SCD5: variants seen among roughly 807,000 people sequenced by gnomAD.
SCD5 encodes acyl-CoA-desaturase 4.
Under a neutral mutation model 30.4 loss-of-function variants are expected in SCD5, and 20 were observed. That is an observed-to-expected ratio of 0.66 (90% CI 0.46 to 0.96). SCD5 has a LOEUF of 0.96. Ranked by LOEUF, SCD5 falls within the 40% of genes least tolerant of loss-of-function variation. The pLI, the probability that SCD5 is intolerant of heterozygous loss-of-function variation, is 0.00. For synonymous variants in SCD5, 173 were observed against 176.4 expected (o/e 0.98, Z 0.16); for missense variants, 381 against 443.3 (o/e 0.86, Z 1.26).
At chr4:82,750,136 G>A (rs574859594) in intron 1 of SCD5, among the ~76,000 whole-genome samples, 3 of 152,332 alleles carry the variant, frequency 2.0e-5, no homozygotes, top group Non-Finnish European at 2.9e-5. Flanking sequence ...TCAATGGATC[G>A]CACACAGTCT....
At chr4:82,669,663 T>C (rs767643116) in intron 3 of SCD5, among the ~76,000 whole-genome samples, 4 of 152,196 alleles carry the variant, frequency 2.6e-5, no homozygotes, top group Non-Finnish European at 5.9e-5. Context: ...TGACTTTTCC[T>C]TCCAGGAGCT....
At chr4:82,739,269 G>T (rs1720820612) in intron 1 of SCD5, among the ~76,000 whole-genome samples, 1 of 152,158 alleles carries the variant, frequency 6.6e-6, no homozygotes, top group South Asian at 2.1e-4. Flanking sequence ...GTGAAAGGTG[G>T]AGGTCCTGGC....
intron 3 of SCD5, among the ~76,000 whole-genome samples, chr4:82,677,918 A>C (rs1171650946): frequency 3.9e-5 from 6 of 151,948 alleles, no homozygotes; most frequent in Admixed American, 2.0e-4. Context: ...TCCTGGGCCT[A>C]GGCAATTCTT....
chr4:82,787,297 A>C (rs1198906248), intron 1 of SCD5, among the ~76,000 whole-genome samples: 3 of 150,438 alleles, frequency 2.0e-5, no homozygotes, highest in Admixed American at 1.3e-4. Flanking sequence ...ATTCTAAGTC[A>C]CTGGTTTTCC....
In SCD5 at chr4:82,680,894, A is replaced by G. The variant is rs1308458777; in HGVS notation, c.382T>C (p.Ser128Pro). ...MAFQNDIFEW[S>P]RDHRAHHKYS... is the part of the protein sequence containing the mutation. The stretch of plus-strand genomic sequence containing the variant: ...TTGTGGTGGGCTCGGTGGTCCCTGG[A>G]CCACTCGAAGATGTCATTCTGCAGA... Residue 128 changes from serine (S) to proline (P), a missense_variant, in exon 3 of 5, where the codon TCC (serine) becomes CCC (proline). Ser to Pro is a moderately conservative substitution (Grantham distance 74, BLOSUM62 -1). Transcript: ENST00000319540. 6.2e-7 allele frequency: 1 copy of G among 1,612,490 alleles called. No homozygotes were observed. The highest frequency in any genetic ancestry group is 8.5e-7 in the Non-Finnish European group (1 of 1,179,918).
chr4:82,795,234 C>G (rs780593020), intron 1 of SCD5, among the ~76,000 whole-genome samples: 4 of 152,242 alleles, frequency 2.6e-5, no homozygotes, highest in Non-Finnish European at 4.4e-5. Flanking sequence ...ACAACCTCAT[C>G]TGGTGTGGAG....
rs116203115 is a variant in SCD5, at chr4:82,640,852, T to C, written c.570-4029A>G. Among the ~76,000 whole-genome samples the C allele has an allele frequency of 9.0e-3, 1,370 of 151,920 alleles. 19 individuals are homozygous for C. Among genetic ancestry groups the C allele is most frequent in the African/African-American group, 0.029 (1,191 of 41,348 alleles). Reference sequence around the variant, plus strand: ...ACCTACTCCTTCCTCATTTTAGAGATTTCCTTTCGTCATTTGGTGATAGGG... The same window carrying C: ...ACCTACTCCTTCCTCATTTTAGAGACTTCCTTTCGTCATTTGGTGATAGGG... On this transcript the variant is annotated intron_variant, in intron 3 of 4. Transcript: ENST00000319540.
chr4:82,747,855 G>A (rs904296672), intron 1 of SCD5, among the ~76,000 whole-genome samples: 2 of 152,198 alleles, frequency 1.3e-5, no homozygotes, highest in African/African-American at 4.8e-5. Context: ...GAATAGTAGG[G>A]TTAAAACAAG....
intron 1 of SCD5, among the ~76,000 whole-genome samples, chr4:82,759,530 G>T (rs1354133169): frequency 6.6e-6 from 1 of 151,722 alleles, no homozygotes; most frequent in Admixed American, 6.6e-5. Flanking sequence ...CTCTGCTCAG[G>T]ATCATTTCAG....
intron 3 of SCD5, among the ~76,000 whole-genome samples, chr4:82,656,871 A>G (rs1281944515): frequency 6.6e-6 from 1 of 152,094 alleles, no homozygotes; most frequent in African/African-American, 2.4e-5. Flanking sequence ...GCTTTTTTTC[A>G]TATGTTTGTT....
rs1727251842 is a variant in SCD5, at chr4:82,629,944, G to C, written c.*1383C>G. ...AGTAGACACGGAATTCTAGATAACT[G>C]TTGGTTCTCAAGATCTGATGGTCTG... On this transcript the variant is annotated 3_prime_UTR_variant, in exon 5 of 5. Transcript: ENST00000319540. The C allele has an allele frequency of 6.6e-6, 1 of 152,206 alleles. No individual in the cohort carries two copies. Among genetic ancestry groups the C allele is most frequent in the Admixed American group, 6.5e-5 (1 of 15,274 alleles). The allele number at this position is 152,206 out of a possible 1,614,324, so 9.4% of individuals were successfully genotyped here.
At position 82,635,661 on chromosome 4, in the gene SCD5, A is replaced by G. The variant is rs546431194; in HGVS notation, c.802+930T>C. Among the ~76,000 whole-genome samples the G allele has an allele frequency of 7.0e-4, 104 of 148,536 alleles. 1 individual carries two copies. Among genetic ancestry groups the G allele is most frequent in the South Asian group, 2.6e-3 (12 of 4,694 alleles). ...AAGCAACATCACGAAGGCTTGTTTC[A>G]TACAAGCACTGGTAGGAACACTCTG... On this transcript the variant is annotated intron_variant, in intron 4 of 4. Transcript: ENST00000319540.
At chr4:82,680,103 CTTATAG>C (rs1728536297) in intron 3 of SCD5, among the ~76,000 whole-genome samples, 1 of 152,226 alleles carries the variant, frequency 6.6e-6, no homozygotes, top group African/African-American at 2.4e-5. Context: ...TCTTCATGTG[CTTATAG>C]AAAGCAGTTT....
intron 2 of SCD5, among the ~76,000 whole-genome samples, chr4:82,695,873 T>C (rs1719685862): frequency 6.6e-6 from 1 of 152,230 alleles, no homozygotes; most frequent in Non-Finnish European, 1.5e-5. Context: ...CCAATGATCC[T>C]AGCCCATATT....
chr4:82,762,998 C>G (rs1229285169), intron 1 of SCD5, among the ~76,000 whole-genome samples: 7 of 152,156 alleles, frequency 4.6e-5, no homozygotes, highest in Non-Finnish European at 8.8e-5. Context: ...CTCTCCATGC[C>G]TCACTGTCAT....
At chr4:82,729,480 C>A (rs182870487) in intron 1 of SCD5, among the ~76,000 whole-genome samples, 1 of 152,090 alleles carries the variant, frequency 6.6e-6, no homozygotes, top group Admixed American at 6.6e-5. Flanking sequence ...TCACCCTCCC[C>A]CCGGCATCTC....
chr4:82,716,404 G>A (rs1463007327), intron 1 of SCD5, among the ~76,000 whole-genome samples: 1 of 151,864 alleles, frequency 6.6e-6, no homozygotes, highest in Non-Finnish European at 1.5e-5. Flanking sequence ...CTACATCAAA[G>A]TGTTGTTGGG....
At chr4:82,651,958 TA>T (rs1169036603) in intron 3 of SCD5, among the ~76,000 whole-genome samples, 1 of 152,036 alleles carries the variant, frequency 6.6e-6, no homozygotes, top group Non-Finnish European at 1.5e-5. Flanking sequence ...TAAAAAACAA[TA>T]AGAACATTCT....
At position 82,798,593 on chromosome 4, in the gene SCD5, G is replaced by C. The variant is rs1473540553; in HGVS notation, c.-56C>G. 6.8e-7 allele frequency: 1 copy of C among 1,472,064 alleles called. No individual in the cohort carries two copies. The highest frequency in any genetic ancestry group is 2.5e-5 in the East Asian group (1 of 40,588). 91.2% of individuals were successfully genotyped at this position (1,472,064 alleles called of 1,614,324 possible). A position where few individuals can be genotyped will look rare whatever the true frequency, so the allele number is the denominator to read the frequency against. On this transcript the variant is annotated 5_prime_UTR_variant, in exon 1 of 5. Transcript: ENST00000319540. Reference sequence around the variant, plus strand: ...GCAGGCAGGCAGGCGCTCTGCCCGAGCGGAGCTCGAGGGTGGGGGCGGGGG... The same window carrying C: ...GCAGGCAGGCAGGCGCTCTGCCCGACCGGAGCTCGAGGGTGGGGGCGGGGG...
Sources: allele counts gnomAD v4.1 joint callset (sites outside exome capture counted in the v4.1 genomes callset), GRCh38; gene constraint gnomAD v4.1.1; transcripts MANE v1.5; gene names NCBI Gene and HGNC (gene_info 2026-07-23, HGNC 2026-07-21).